GNA14: variants seen among roughly 807,000 people sequenced by gnomAD.
GNA14 encodes guanine nucleotide-binding protein subunit alpha-14.
GNA14 carries 50 observed loss-of-function variants against 42.0 expected under a neutral mutation model. That is an observed-to-expected ratio of 1.19 (90% CI 0.95 to 1.51). The LOEUF is 1.51. Among genes scored for constraint, GNA14 ranks in the 40% most tolerant of loss-of-function variants. The pLI is 0.00. For synonymous variants in GNA14, 173 were observed against 163.1 expected, an observed-to-expected ratio of 1.06 and a Z score of -0.46; for missense variants, 473 against 446.2, an observed-to-expected ratio of 1.06 and a Z score of -0.54.
chr9:77,595,632 T>C (rs572252960), intron 1 of GNA14, among the ~76,000 whole-genome samples: 1 of 152,308 alleles, frequency 6.6e-6, no homozygotes, highest in African/African-American at 2.4e-5. Context: ...GATTGTGTGA[T>C]TATAAAACAT....
At chr9:77,560,627 C>G (rs1822867117) in intron 1 of GNA14, among the ~76,000 whole-genome samples, 1 of 152,040 alleles carries the variant, frequency 6.6e-6, no homozygotes. Context: ...GCTCCCCTGT[C>G]TTAAAGGGAG....
At chr9:77,562,624 G>A (rs1822901240) in intron 1 of GNA14, among the ~76,000 whole-genome samples, 1 of 152,046 alleles carries the variant, frequency 6.6e-6, no homozygotes, top group Non-Finnish European at 1.5e-5. Context: ...GGGCTGGAAA[G>A]CACCTATTAG....
chr9:77,547,402 C>A (rs529046653), intron 1 of GNA14, among the ~76,000 whole-genome samples: 1 of 152,152 alleles, frequency 6.6e-6, no homozygotes, highest in South Asian at 2.1e-4. Context: ...TCCGTTGTTA[C>A]AAGAAAAAAA....
At chr9:77,450,332 C>A (rs1182408676) in intron 2 of GNA14, among the ~76,000 whole-genome samples, 1 of 152,170 alleles carries the variant, frequency 6.6e-6, no homozygotes, top group Non-Finnish European at 1.5e-5. Flanking sequence ...TACCCATGCA[C>A]AGGAGGCTCT....
intron 1 of GNA14, among the ~76,000 whole-genome samples, chr9:77,604,966 A>G (rs1168100061): frequency 6.6e-6 from 1 of 152,222 alleles, no homozygotes; most frequent in Non-Finnish European, 1.5e-5. Flanking sequence ...AAATTCATTC[A>G]ACATTTCATG....
At chr9:77,503,913 C>T (rs1837017140) in intron 2 of GNA14, among the ~76,000 whole-genome samples, 2 of 152,102 alleles carry the variant, frequency 1.3e-5, no homozygotes, top group South Asian at 2.1e-4. Flanking sequence ...AACTCCTGAC[C>T]TCAAGTGATC....
chr9:77,621,028 G>A (rs1823913926), intron 1 of GNA14, among the ~76,000 whole-genome samples: 1 of 151,912 alleles, frequency 6.6e-6, no homozygotes, highest in Non-Finnish European at 1.5e-5. Context: ...CCACCTCCCA[G>A]GCTCAAGTGA....
intron 2 of GNA14, among the ~76,000 whole-genome samples, chr9:77,512,178 G>A (rs1227022180): frequency 6.6e-6 from 1 of 151,350 alleles, no homozygotes; most frequent in Admixed American, 6.6e-5. Flanking sequence ...AATATTTCCA[G>A]AACACAAACA....
intron 2 of GNA14, among the ~76,000 whole-genome samples, chr9:77,503,286 G>T (rs563050977): frequency 6.6e-6 from 1 of 152,160 alleles, no homozygotes; most frequent in Non-Finnish European, 1.5e-5. Context: ...CTGCAGGGCA[G>T]TTGTAATGCA....
At chr9:77,512,029 TAAG>T (rs1837179283) in intron 2 of GNA14, among the ~76,000 whole-genome samples, 1 of 152,146 alleles carries the variant, frequency 6.6e-6, no homozygotes, top group Non-Finnish European at 1.5e-5. Flanking sequence ...TCAAGCTTTC[TAAG>T]AAGGAAATGG....
chr9:77,547,467 C>T (rs539034232), intron 1 of GNA14, among the ~76,000 whole-genome samples: 3 of 152,288 alleles, frequency 2.0e-5, no homozygotes, highest in East Asian at 1.9e-4. Context: ...CCTTTGCTGT[C>T]GTAATAACGA....
In GNA14 at chr9:77,423,819, A is replaced by G. The variant is rs1835411331; in HGVS notation, c.*160T>C. On this transcript the variant is annotated 3_prime_UTR_variant, in exon 7 of 7. Coordinates refer to ENST00000341700, the MANE Select transcript of GNA14 (RefSeq NM_004297.4). ...TTAAAGTATGTTGGTAAACTCAAAT[A>G]TCTTCCAAGTTCCATCACCCATCTC... is the stretch of plus-strand genomic sequence containing the variant. 2 of 412,374 alleles carry G rather than the reference A, an allele frequency of 4.8e-6. No individual in the cohort carries two copies. The highest frequency in any genetic ancestry group is 8.7e-6 in the Non-Finnish European group (2 of 229,240). 25.5% of individuals were successfully genotyped at this position (412,374 alleles called of 1,614,324 possible).
chr9:77,584,279 G>A (rs555907732), intron 1 of GNA14, among the ~76,000 whole-genome samples: 1 of 152,180 alleles, frequency 6.6e-6, no homozygotes. Context: ...CATCTTTAAT[G>A]ATGACCTTGA....
At chr9:77,464,357 G>A (rs1269951979) in intron 2 of GNA14, among the ~76,000 whole-genome samples, 2 of 133,600 alleles carry the variant, frequency 1.5e-5, no homozygotes, top group South Asian at 2.3e-4. Context: ...GTATATGTGT[G>A]TGTGTGTGTG....
chr9:77,581,187 T>C (rs1036943809), intron 1 of GNA14, among the ~76,000 whole-genome samples: 1 of 152,124 alleles, frequency 6.6e-6, no homozygotes, highest in African/African-American at 2.4e-5. Flanking sequence ...GGAGTCCCAT[T>C]TACCGGGACC....
chr9:77,540,508 G>T (rs868181651), intron 1 of GNA14, among the ~76,000 whole-genome samples: 7 of 152,064 alleles, frequency 4.6e-5, no homozygotes, highest in Admixed American at 1.3e-4. Context: ...AGTCCAGATT[G>T]AATCCAATGT....
At chr9:77,506,619 G>A (rs2131746829) in intron 2 of GNA14, among the ~76,000 whole-genome samples, 1 of 152,206 alleles carries the variant, frequency 6.6e-6, no homozygotes, top group African/African-American at 2.4e-5. Flanking sequence ...GGAGGTTGCA[G>A]TGAGCCGAGA....
intron 1 of GNA14, among the ~76,000 whole-genome samples, chr9:77,645,741 A>G (rs1824341336): frequency 6.6e-6 from 1 of 152,234 alleles, no homozygotes; most frequent in African/African-American, 2.4e-5. Flanking sequence ...TTACCAATAC[A>G]GTACAGCTCA....
At chr9:77,631,210 G>A (rs1189846293) in intron 1 of GNA14, among the ~76,000 whole-genome samples, 1 of 152,060 alleles carries the variant, frequency 6.6e-6, no homozygotes, top group Non-Finnish European at 1.5e-5. Flanking sequence ...TATGGCTGCT[G>A]CAGCTCCTAC....
Sources: allele counts gnomAD v4.1 joint callset (sites outside exome capture counted in the v4.1 genomes callset), GRCh38; gene constraint gnomAD v4.1.1; transcripts MANE v1.5; gene names NCBI Gene and HGNC (gene_info 2026-07-23, HGNC 2026-07-21).